Variants in ATM observed in about 807,000 individuals in gnomAD.
ATM encodes serine-protein kinase ATM.
Under a neutral mutation model 387.0 loss-of-function variants are expected in ATM, and 308 were observed. That is an observed-to-expected ratio of 0.80 (90% CI 0.73 to 0.87). The LOEUF is 0.87. Among genes scored for constraint, ATM ranks in the 40% least tolerant of loss-of-function variants. ATM has a pLI of 0.00. For synonymous variants in ATM, 1,156 were observed against 1,187.3 expected (o/e 0.97, Z 0.54); for missense variants, 3,312 against 3,560.9 (o/e 0.93, Z 1.78).
intron 10 of ATM, 135 bp from the exon 11 acceptor site, chr11:108,251,702 T>C: frequency 8.2e-6 from 7 of 849,110 alleles, no homozygotes; most frequent in Non-Finnish European, 1.4e-5. Context: ...TTCCCAAATG[T>C]AATCAGACTT....
chr11:108,315,219 A>G (rs1163478450), intron 40 of ATM, among the ~76,000 whole-genome samples: 1 of 152,240 alleles, frequency 6.6e-6, no homozygotes, highest in Non-Finnish European at 1.5e-5. Flanking sequence ...AATAATGCTT[A>G]CCACAGTAGC....
intron 4 of ATM, 157 bp downstream of exon 4, chr11:108,229,480 T>G (rs961005893): frequency 1.3e-6 from 1 of 757,646 alleles, no homozygotes; most frequent in African/African-American, 1.8e-5. Flanking sequence ...TAATGATTTT[T>G]ATTTTTATTA....
chr11:108,288,902 C>T (rs2135748589), intron 27 of ATM, 75 bp from the exon 28 acceptor site: 1 of 1,559,336 alleles, frequency 6.4e-7, no homozygotes, highest in Non-Finnish European at 8.7e-7. Context: ...TCTAAATTTT[C>T]ATTTTGGAAG....
At chr11:108,224,548 C>T (rs1371411872) in intron 1 of ATM, 1 of 152,148 alleles carries the variant, frequency 6.6e-6, no homozygotes, top group African/African-American at 2.4e-5. Context: ...CCTAATAGTT[C>T]CTCTGCCTTC....
intron 26 of ATM, chr11:108,287,244 G>C (rs1238455364): frequency 6.2e-6 from 1 of 162,324 alleles, no homozygotes; most frequent in African/African-American, 2.4e-5. Context: ...GTAAAATTCA[G>C]ATAGAGGAGC....
chr11:108,253,715 A>G, intron 12 of ATM, 99 bp from the exon 13 acceptor site: 1 of 781,330 alleles, frequency 1.3e-6, no homozygotes, highest in South Asian at 1.6e-5. Flanking sequence ...AATGATGTAG[A>G]TACTAGGTTA....
At chr11:108,229,058 TGTA>T in intron 3 of ATM, 117 bp from the exon 4 acceptor site, 2 of 933,210 alleles carry the variant, frequency 2.1e-6, no homozygotes, top group Non-Finnish European at 1.6e-6. Context: ...TTTCAGCTGA[TGTA>T]GTAATCTAAG....
At chr11:108,277,086 G>T (rs1436248107) in intron 22 of ATM, among the ~76,000 whole-genome samples, 1 of 152,126 alleles carries the variant, frequency 6.6e-6, no homozygotes, top group Non-Finnish European at 1.5e-5. Context: ...ATCTAGAGAG[G>T]CAGTCTGGCT....
At chr11:108,267,445 C>T in intron 17 of ATM, 103 bp downstream of exon 17, 1 of 996,302 alleles carries the variant, frequency 1.0e-6, no homozygotes, top group Non-Finnish European at 1.6e-6. Flanking sequence ...TTCATTTTCT[C>T]TTAGTATAGC....
chr11:108,300,945 T>C (rs2083398769), intron 34 of ATM, among the ~76,000 whole-genome samples: 1 of 148,990 alleles, frequency 6.7e-6, no homozygotes, highest in African/African-American at 2.5e-5. Flanking sequence ...CGCAGTGGCA[T>C]GATAATACAT....
chr11:108,293,894 A>ATATATATATATATATAT (rs1555101015), intron 31 of ATM, among the ~76,000 whole-genome samples: 2 of 83,676 alleles, frequency 2.4e-5, no homozygotes, highest in African/African-American at 8.4e-5. Context: ...AAAAAAAAAA[A>ATATATATATATATATAT]ATATATATAT....
At chr11:108,353,578 AG>A (rs1374585705) in intron 59 of ATM, among the ~76,000 whole-genome samples, 187 bp from the exon 60 acceptor site, 1 of 152,184 alleles carries the variant, frequency 6.6e-6, no homozygotes, top group African/African-American at 2.4e-5. Context: ...TTTGGATTTG[AG>A]GTGGATCTCA....
intron 60 of ATM, among the ~76,000 whole-genome samples, chr11:108,354,082 C>T (rs1009528287): frequency 6.7e-6 from 1 of 150,298 alleles, no homozygotes; most frequent in African/African-American, 2.5e-5. Flanking sequence ...CACACACACA[C>T]ACACACACAC....
At chr11:108,341,204 T>A (rs1463690435) in intron 56 of ATM, among the ~76,000 whole-genome samples, 1 of 152,006 alleles carries the variant, frequency 6.6e-6, no homozygotes, top group African/African-American at 2.4e-5. Context: ...CACACCAATT[T>A]GTTTCTGCCT....
At position 108,271,323 on chromosome 11, in the gene ATM, GA is replaced by G. The variant is rs1057516250; in HGVS notation, c.2999del (p.Asn1000ThrfsTer2). 6.2e-7 allele frequency: 1 copy of G among 1,613,628 alleles called. No homozygotes were observed. The highest frequency in any genetic ancestry group is 8.5e-7 in the Non-Finnish European group (1 of 1,179,956). The part of the protein sequence containing the change: ...TILNHVLHVV[K>X]NLGQSNMDSE... The stretch of plus-strand genomic sequence containing the variant: ...TTTTAAACCATGTCCTTCATGTAGT[GA>G]AAAACCTAGGTCAAAGCAATATGGA... On this transcript the variant is annotated frameshift_variant, in exon 20 of 63. Coordinates refer to ENST00000675843, the MANE Select transcript of ATM (RefSeq NM_000051.4). LOFTEE classifies it high-confidence loss of function.
In ATM at chr11:108,307,880, A is replaced by T; in HGVS notation, c.5675-17A>T. The T allele has an allele frequency of 6.3e-7, 1 of 1,594,358 alleles. No individual in the cohort carries two copies. Among genetic ancestry groups the T allele is most frequent in the Non-Finnish European group, 8.6e-7 (1 of 1,162,500 alleles). On this transcript the variant is annotated splice_polypyrimidine_tract_variant and intron_variant, in intron 37 of 62. Coordinates refer to ENST00000675843, the MANE Select transcript of ATM (RefSeq NM_000051.4). ...CAAGAATGCCTGGGACTGAGGGGAGATATTTTTGTTTGTCAGAGTCAGAGC... is the reference window on the plus strand; with the variant it reads ...CAAGAATGCCTGGGACTGAGGGGAGTTATTTTTGTTTGTCAGAGTCAGAGC...
chr11:108,282,991 T>G (rs1357325616), intron 25 of ATM, 112 bp downstream of exon 25: 2 of 680,294 alleles, frequency 2.9e-6, no homozygotes, highest in African/African-American at 3.6e-5. Context: ...CATGTGTGTG[T>G]GGGAGCCTAC....
At chr11:108,351,772 T>C (rs1270423637) in intron 59 of ATM, among the ~76,000 whole-genome samples, 3 of 152,268 alleles carry the variant, frequency 2.0e-5, no homozygotes, top group African/African-American at 4.8e-5. Context: ...ATAGGGTCCA[T>C]CCTGGTTCTT....
At chr11:108,320,231 T>C (rs1306216859) in intron 44 of ATM, among the ~76,000 whole-genome samples, 173 bp downstream of exon 44, 1 of 152,208 alleles carries the variant, frequency 6.6e-6, no homozygotes, top group Non-Finnish European at 1.5e-5. Flanking sequence ...AAACAAATTG[T>C]TTCTGGGATT....
Sources: gnomAD v4.1 joint callset for allele counts (sites outside exome capture counted in the v4.1 genomes callset) on GRCh38, gnomAD v4.1.1 for gene constraint, MANE v1.5 for transcripts, NCBI Gene and HGNC (gene_info 2026-07-23, HGNC 2026-07-21) for gene names.